SLIRP: variants seen among roughly 807,000 people sequenced by gnomAD.
SLIRP encodes the protein SRA stem-loop interacting RNA binding protein.
Under a neutral mutation model 13.4 loss-of-function variants are expected in SLIRP, and 12 were observed. The ratio of observed to expected loss-of-function variants is 0.89; its 90% confidence interval spans 0.57 to 1.45. The LOEUF (loss-of-function observed/expected upper bound fraction) is 1.45. SLIRP is among the 40% of genes most tolerant of loss of function. The pLI is 0.00. For synonymous variants in SLIRP, 55 were observed against 47.1 expected (o/e 1.17, Z -0.69); for missense variants, 154 against 132.2 (o/e 1.17, Z -0.81).
intron 2 of SLIRP, among the ~76,000 whole-genome samples, chr14:77,712,535 C>T (rs1399282306): frequency 6.6e-6 from 1 of 150,424 alleles, no homozygotes; most frequent in East Asian, 2.0e-4. Context: ...AGCTCTGCCT[C>T]CTGGGTTCAC....
At chr14:77,713,107 G>A (rs1489192980) in intron 2 of SLIRP, among the ~76,000 whole-genome samples, 1 of 152,162 alleles carries the variant, frequency 6.6e-6, no homozygotes, top group East Asian at 1.9e-4. Context: ...GCCTACTACA[G>A]TATTCTAATA....
chr14:77,717,464 CTTT>C (rs1178131665), intron 3 of SLIRP, 29 bp from the exon 4 acceptor site: 8 of 1,594,314 alleles, frequency 5.0e-6, no homozygotes, highest in Non-Finnish European at 6.8e-6. Flanking sequence ...CAGACATTGC[CTTT>C]CCTCCCTTAC....
chr14:77,708,248 C>T (rs1430981149), intron 1 of SLIRP, 40 bp downstream of exon 1: 1 of 1,587,582 alleles, frequency 6.3e-7, no homozygotes, highest in East Asian at 2.2e-5. Context: ...ATTTTTAGGT[C>T]CAAGTGATCC....
intron 2 of SLIRP, among the ~76,000 whole-genome samples, chr14:77,715,452 T>G (rs1005714951): frequency 1.3e-5 from 2 of 150,256 alleles, no homozygotes; most frequent in Non-Finnish European, 2.9e-5. Flanking sequence ...GAGACCGGCC[T>G]GGGTAAGATG....
At chr14:77,716,923 T>G (rs1566823454) in intron 3 of SLIRP, among the ~76,000 whole-genome samples, 1 of 151,882 alleles carries the variant, frequency 6.6e-6, no homozygotes, top group Non-Finnish European at 1.5e-5. Flanking sequence ...CACCACGCAC[T>G]GCTAATTTTT....
intron 2 of SLIRP, 131 bp downstream of exon 2, chr14:77,711,027 C>T: frequency 1.3e-6 from 1 of 792,060 alleles, no homozygotes; most frequent in Non-Finnish European, 2.1e-6. Flanking sequence ...TTTAAAATAA[C>T]TCAGAGTGTA....
chr14:77,715,682 G>C, intron 2 of SLIRP, 90 bp from the exon 3 acceptor site: 1 of 1,064,958 alleles, frequency 9.4e-7, no homozygotes. Context: ...TCCGATTTTT[G>C]GCAGATGAAA....
intron 1 of SLIRP, 193 bp from the exon 2 acceptor site, chr14:77,710,645 T>TC (rs2080432724): frequency 1.3e-6 from 2 of 1,527,564 alleles, no homozygotes. Context: ...AACTTCTCTG[T>TC]CCATCTCACC....
intron 2 of SLIRP, among the ~76,000 whole-genome samples, chr14:77,712,626 A>C (rs1318483238): frequency 6.6e-6 from 1 of 151,924 alleles, no homozygotes. Flanking sequence ...TTGTATTTTT[A>C]GTAGAGATGG....
Position 77,708,108 on chromosome 14 carries a change from G to C in SLIRP, c.-4G>C, listed in dbSNP as rs925297004. 1 of 1,614,018 alleles carries C rather than the reference G, an allele frequency of 6.2e-7. No homozygotes were observed. The highest frequency in any genetic ancestry group is 8.5e-7 in the Non-Finnish European group (1 of 1,180,008). ...TCGGCTCGAGAAGGTGCTTTAGTCT[G>C]AAGATGGCGGCCTCAGCAGCGAGAG... On this transcript the variant is annotated 5_prime_UTR_variant, in exon 1 of 4. Transcript: ENST00000557342.
intron 2 of SLIRP, among the ~76,000 whole-genome samples, chr14:77,711,133 C>G (rs543721938): frequency 6.6e-6 from 1 of 151,218 alleles, no homozygotes; most frequent in African/African-American, 2.4e-5. Flanking sequence ...ACCCCATGCT[C>G]CATGATGTGC....
intron 1 of SLIRP, among the ~76,000 whole-genome samples, chr14:77,709,458 T>C (rs1309316845): frequency 6.6e-6 from 1 of 152,234 alleles, no homozygotes; most frequent in Non-Finnish European, 1.5e-5. Flanking sequence ...TGAAACTTTA[T>C]GGAAAGGCTG....
intron 3 of SLIRP, among the ~76,000 whole-genome samples, chr14:77,717,116 C>G (rs1218768215): frequency 6.6e-6 from 1 of 152,104 alleles, no homozygotes; most frequent in African/African-American, 2.4e-5. Context: ...TTGGCTTACC[C>G]ACCATGTGAT....
chr14:77,712,920 C>G (rs72685288), intron 2 of SLIRP, among the ~76,000 whole-genome samples: 8,888 of 152,254 alleles, frequency 0.058, 382 homozygotes, highest in Non-Finnish European at 0.087. Flanking sequence ...CTTCTCCAGT[C>G]TGCTTAAGAT....
intron 2 of SLIRP, 152 bp from the exon 3 acceptor site, chr14:77,715,620 G>A (rs909022084): frequency 9.4e-5 from 62 of 659,602 alleles, no homozygotes; most frequent in East Asian, 4.8e-4. Flanking sequence ...ACCCCAGCCT[G>A]GGTGACAGAG....
intron 2 of SLIRP, chr14:77,711,746 G>C (rs2080442140): frequency 6.6e-6 from 1 of 152,266 alleles, no homozygotes; most frequent in African/African-American, 2.4e-5. Flanking sequence ...TGTAGAGATG[G>C]GGTTTCGCCA....
chr14:77,711,129 T>A (rs886763794), intron 2 of SLIRP, among the ~76,000 whole-genome samples: 34 of 151,506 alleles, frequency 2.2e-4, no homozygotes, highest in African/African-American at 8.2e-4. Flanking sequence ...AGATACCCCA[T>A]GCTCCATGAT....
chr14:77,708,328 A>G, intron 1 of SLIRP, 120 bp downstream of exon 1: 4 of 984,054 alleles, frequency 4.1e-6, no homozygotes, highest in South Asian at 1.5e-5. Flanking sequence ...GCTCCTGAGC[A>G]TGCAAGTGAG....
intron 2 of SLIRP, among the ~76,000 whole-genome samples, chr14:77,712,730 G>C (rs1439348027): frequency 1.3e-5 from 2 of 152,188 alleles, no homozygotes; most frequent in Non-Finnish European, 2.9e-5. Context: ...ACAGGTGTGA[G>C]CCTTCATGCC....
Sources: gnomAD v4.1 joint callset for allele counts (sites outside exome capture counted in the v4.1 genomes callset) on GRCh38, gnomAD v4.1.1 for gene constraint, MANE v1.5 for transcripts, NCBI Gene and HGNC (gene_info 2026-07-23, HGNC 2026-07-21) for gene names.